Variants in MTUS2 observed in about 807,000 individuals in gnomAD.
MTUS2 encodes the protein microtubule-associated tumor suppressor candidate 2.
MTUS2 carries 40 observed loss-of-function variants against 114.1 expected under a neutral mutation model. That is an observed-to-expected ratio of 0.35 (90% confidence interval 0.27 to 0.46). The LOEUF (loss-of-function observed/expected upper bound fraction) is 0.46. Among genes scored for constraint, MTUS2 ranks in the 20% least tolerant of loss-of-function variants. The probability of loss-of-function intolerance (pLI) is 1.00; values close to 1 mark genes in which losing one functional copy is unlikely to be tolerated. For missense variants in MTUS2, 1,679 were observed against 1,705.4 expected, an observed-to-expected ratio of 0.98 and a Z score of 0.27; for synonymous variants, 688 against 672.0, an observed-to-expected ratio of 1.02 and a Z score of -0.37.
intron 8 of MTUS2, among the ~76,000 whole-genome samples, chr13:29,398,618 A>G (rs1412483472): frequency 6.6e-6 from 1 of 152,190 alleles, no homozygotes; most frequent in Non-Finnish European, 1.5e-5. Flanking sequence ...TAAATTGGAA[A>G]TAAACTTGGA....
chr13:29,299,395 A>C (rs1040492101), intron 6 of MTUS2, among the ~76,000 whole-genome samples: 1 of 152,198 alleles, frequency 6.6e-6, no homozygotes, highest in African/African-American at 2.4e-5. Flanking sequence ...TACCCTCTTC[A>C]AGCTGAACGC....
chr13:29,127,448 T>A (rs1307568927), intron 5 of MTUS2, among the ~76,000 whole-genome samples: 3 of 152,220 alleles, frequency 2.0e-5, no homozygotes, highest in African/African-American at 7.2e-5. Context: ...TTATCTTCTT[T>A]AGCCTGGGTG....
chr13:28,896,349 G>A (rs145765751), intron 2 of MTUS2, among the ~76,000 whole-genome samples: 2,668 of 152,232 alleles, frequency 0.018, 79 homozygotes, highest in African/African-American at 0.061. Context: ...TACAAGGGAC[G>A]TGAAGGACCT....
At chr13:29,369,805 A>G (rs1871055320) in intron 8 of MTUS2, among the ~76,000 whole-genome samples, 1 of 152,262 alleles carries the variant, frequency 6.6e-6, no homozygotes. Flanking sequence ...TATTATGCTG[A>G]CAAAATAGAT....
chr13:29,313,055 A>G (rs542363998), intron 6 of MTUS2, among the ~76,000 whole-genome samples: 6 of 152,294 alleles, frequency 3.9e-5, no homozygotes, highest in African/African-American at 1.4e-4. Flanking sequence ...ATGCTTGTGA[A>G]GTGTATTGTC....
At chr13:28,847,028 A>C (rs1304361220) in intron 2 of MTUS2, among the ~76,000 whole-genome samples, 1 of 152,200 alleles carries the variant, frequency 6.6e-6, no homozygotes, top group Non-Finnish European at 1.5e-5. Context: ...AGCAAAGTAC[A>C]GAGGGCTGGG....
intron 7 of MTUS2, among the ~76,000 whole-genome samples, chr13:29,331,204 A>T (rs1176440309): frequency 6.6e-6 from 1 of 152,152 alleles, no homozygotes; most frequent in African/African-American, 2.4e-5. Context: ...AGCAATTGTG[A>T]ATGGGAGTTC....
intron 5 of MTUS2, among the ~76,000 whole-genome samples, chr13:29,277,542 C>T (rs938655095): frequency 6.6e-6 from 1 of 152,192 alleles, no homozygotes; most frequent in African/African-American, 2.4e-5. Flanking sequence ...TGCAGTATGG[C>T]ATTGGCACGG....
At chr13:29,096,399 C>T (rs1335580988) in intron 4 of MTUS2, among the ~76,000 whole-genome samples, 1 of 152,228 alleles carries the variant, frequency 6.6e-6, no homozygotes, top group Non-Finnish European at 1.5e-5. Context: ...CATTATTCCA[C>T]AGTCTGATCC....
At chr13:28,946,369 G>C (rs1882536735) in intron 2 of MTUS2, among the ~76,000 whole-genome samples, 1 of 152,138 alleles carries the variant, frequency 6.6e-6, no homozygotes, top group Non-Finnish European at 1.5e-5. Context: ...CTGCTAAGGA[G>C]TGGGATTGAG....
intron 5 of MTUS2, among the ~76,000 whole-genome samples, chr13:29,235,955 C>T (rs1374463856): frequency 2.0e-5 from 3 of 152,132 alleles, no homozygotes; most frequent in Non-Finnish European, 1.5e-5. Flanking sequence ...ACGCATTTCA[C>T]TCAAGTTTTC....
chr13:28,867,663 G>T (rs1251318214), intron 2 of MTUS2, among the ~76,000 whole-genome samples: 1 of 152,140 alleles, frequency 6.6e-6, no homozygotes, highest in African/African-American at 2.4e-5. Context: ...AAGAATATTG[G>T]AAGTTACTAT....
intron 4 of MTUS2, among the ~76,000 whole-genome samples, chr13:29,041,853 A>G: frequency 6.6e-6 from 1 of 152,180 alleles, no homozygotes; most frequent in South Asian, 2.1e-4. Context: ...TATCAGTTCT[A>G]AGAGCTTTTA....
At chr13:29,122,164 C>T (rs1168596645) in intron 5 of MTUS2, among the ~76,000 whole-genome samples, 1 of 152,022 alleles carries the variant, frequency 6.6e-6, no homozygotes, top group East Asian at 1.9e-4. Context: ...GGTCTGATAT[C>T]CTAGGTAAGC....
chr13:29,309,661 ACACAAAC>A (rs1899658818), intron 6 of MTUS2, among the ~76,000 whole-genome samples: 1 of 152,216 alleles, frequency 6.6e-6, no homozygotes, highest in Non-Finnish European at 1.5e-5. Flanking sequence ...TTTTTGAGTG[ACACAAAC>A]ATTCAGACCA....
At chr13:29,461,630 GTTGTGTGT>G (rs1879503514) in intron 9 of MTUS2, among the ~76,000 whole-genome samples, 2 of 152,332 alleles carry the variant, frequency 1.3e-5, no homozygotes, top group East Asian at 3.9e-4. Flanking sequence ...TTTGCATGGA[GTTGTGTGT>G]AGACCCCAGA....
At chr13:29,149,928 A>C (rs1892599994) in intron 5 of MTUS2, among the ~76,000 whole-genome samples, 1 of 152,132 alleles carries the variant, frequency 6.6e-6, no homozygotes, top group Non-Finnish European at 1.5e-5. Flanking sequence ...CTTGTAGTAT[A>C]TAGTTTGAAG....
chr13:29,401,394 G>A (rs565232399), intron 8 of MTUS2, among the ~76,000 whole-genome samples: 1 of 152,270 alleles, frequency 6.6e-6, no homozygotes, highest in South Asian at 2.1e-4. Flanking sequence ...ATCTATGACT[G>A]TTCCCTTTAT....
intron 2 of MTUS2, among the ~76,000 whole-genome samples, chr13:28,921,322 C>T (rs1443936009): frequency 6.6e-6 from 1 of 152,218 alleles, no homozygotes; most frequent in Non-Finnish European, 1.5e-5. Context: ...TATTCTGTCT[C>T]TAGAAATGTC....
Sources: gnomAD v4.1 joint callset for allele counts (sites outside exome capture counted in the v4.1 genomes callset) on GRCh38, gnomAD v4.1.1 for gene constraint, MANE v1.5 for transcripts, NCBI Gene and HGNC (gene_info 2026-07-23, HGNC 2026-07-21) for gene names.